LRRC3B: variants seen among roughly 807,000 people sequenced by gnomAD.
LRRC3B encodes leucine rich repeat containing 3B, also known as leucine-rich repeat-containing protein 3B.
Under a neutral mutation model 12.8 loss-of-function variants are expected in LRRC3B, and 2 were observed. The observed-to-expected ratio is 0.16, with a 90% CI of 0.06 to 0.49. The LOEUF is 0.49. LRRC3B is among the 20% of genes least tolerant of loss of function. The probability of loss-of-function intolerance (pLI) is 0.96; values close to 1 mark genes in which losing one functional copy is unlikely to be tolerated. For synonymous variants in LRRC3B, 132 were observed against 122.0 expected, an observed-to-expected ratio of 1.08 and a Z score of -0.54; for missense variants, 189 against 319.4, an observed-to-expected ratio of 0.59 and a Z score of 3.11.
intron 1 of LRRC3B, among the ~76,000 whole-genome samples, chr3:26,665,702 G>A (rs1192931026): frequency 6.6e-6 from 1 of 152,226 alleles, no homozygotes; most frequent in African/African-American, 2.4e-5. Context: ...TTGAAAACCA[G>A]TGAGAAACCT....
intron 1 of LRRC3B, among the ~76,000 whole-genome samples, chr3:26,672,977 G>A (rs1489520815): frequency 6.6e-6 from 1 of 152,184 alleles, no homozygotes; most frequent in South Asian, 2.1e-4. Flanking sequence ...GGTTGGCGAA[G>A]TAGGTTTATT....
At chr3:26,631,121 C>T (rs1041670705) in intron 1 of LRRC3B, among the ~76,000 whole-genome samples, 1 of 152,128 alleles carries the variant, frequency 6.6e-6, no homozygotes, top group Non-Finnish European at 1.5e-5. Context: ...TTATCAGGGC[C>T]ACAACCAAGA....
At chr3:26,710,530 T>G in exon 2 of LRRC3B, 1 of 1,381,498 alleles carries the variant, frequency 7.2e-7, no homozygotes, top group East Asian at 2.4e-5. Flanking sequence ...ACTTCTCCCA[T>G]CCATTGTAAA....
At chr3:26,683,938 T>C (rs77690838) in intron 1 of LRRC3B, among the ~76,000 whole-genome samples, 5,011 of 152,316 alleles carry the variant, frequency 0.033, 123 homozygotes, top group South Asian at 0.049. Flanking sequence ...ATAAGTCATA[T>C]TGATGTGTGA....
In LRRC3B at chr3:26,658,122, G is replaced by C. The variant is rs183991426; in HGVS notation, c.-161+34885G>C. The stretch of plus-strand genomic sequence containing the variant: ...GATGGAGTCTCGCTCTGTTGCCCAG[G>C]CTGGAGTTTCAGTGGCACCATCTTG... On this transcript the variant is annotated intron_variant, in intron 1 of 1. Coordinates refer to ENST00000396641, the Ensembl canonical transcript of LRRC3B. Among the ~76,000 whole-genome samples, 16 of 152,254 alleles carry C rather than the reference G, an allele frequency of 1.1e-4. No homozygotes were observed. In the East Asian group the frequency reaches 3.1e-3, roughly 29 times the overall value.
intron 1 of LRRC3B, among the ~76,000 whole-genome samples, chr3:26,649,609 CTT>C (rs1699222937): frequency 1.3e-5 from 2 of 152,160 alleles, no homozygotes; most frequent in African/African-American, 4.8e-5. Flanking sequence ...GACCTTAACA[CTT>C]TGTGCCTGTG....
intron 1 of LRRC3B, among the ~76,000 whole-genome samples, chr3:26,708,521 T>G (rs923582683): frequency 2.0e-5 from 3 of 150,778 alleles, no homozygotes; most frequent in Non-Finnish European, 3.0e-5. Context: ...AGTAACCTCA[T>G]CTCTCTGGGA....
At chr3:26,632,034 T>C (rs1380613462) in intron 1 of LRRC3B, among the ~76,000 whole-genome samples, 1 of 152,246 alleles carries the variant, frequency 6.6e-6, no homozygotes, top group Non-Finnish European at 1.5e-5. Context: ...CAATGATAGA[T>C]GGACACTCTG....
chr3:26,686,467 T>C lies in LRRC3B; in HGVS notation c.-160-23046T>C, dbSNP rs1221017391. ...TATCTAATTTGAAGCCCAATCTTTT[T>C]ATCCAATTTCCATTTGGATCATTCA... On this transcript the variant is annotated intron_variant, in intron 1 of 1. Coordinates refer to ENST00000396641, the Ensembl canonical transcript of LRRC3B. Among the ~76,000 whole-genome samples, 8 of 152,250 alleles carry C rather than the reference T, an allele frequency of 5.3e-5. No individual in the cohort carries two copies. The South Asian group carries it at 6.2e-4, about 12-fold the overall frequency.
At chr3:26,683,495 G>A (rs1209065995) in intron 1 of LRRC3B, among the ~76,000 whole-genome samples, 1 of 152,168 alleles carries the variant, frequency 6.6e-6, no homozygotes, top group East Asian at 1.9e-4. Flanking sequence ...CTATGAGTTG[G>A]ATCCCCAGGA....
intron 1 of LRRC3B, among the ~76,000 whole-genome samples, chr3:26,670,072 A>G (rs1408747887): frequency 6.6e-6 from 1 of 152,222 alleles, no homozygotes; most frequent in African/African-American, 2.4e-5. Flanking sequence ...TTATCAGTTT[A>G]GAGCTCCATG....
chr3:26,686,681 G>A (rs765450620), intron 1 of LRRC3B, among the ~76,000 whole-genome samples: 13 of 152,202 alleles, frequency 8.5e-5, no homozygotes, highest in Non-Finnish European at 1.6e-4. Flanking sequence ...TGCATGTTGA[G>A]ATTCTAGGGA....
chr3:26,661,419 C>G (rs1246241444), intron 1 of LRRC3B, among the ~76,000 whole-genome samples: 2 of 152,140 alleles, frequency 1.3e-5, no homozygotes, highest in African/African-American at 2.4e-5. Flanking sequence ...TCCTCACATC[C>G]AAACCTTCTT....
At chr3:26,686,099 A>AGAT (rs1291667941) in intron 1 of LRRC3B, among the ~76,000 whole-genome samples, 11 of 150,510 alleles carry the variant, frequency 7.3e-5, no homozygotes, top group Admixed American at 7.3e-4. Flanking sequence ...TTTTTTTTCG[A>AGAT]GATGGAGTCT....
chr3:26,673,893 G>A (rs1699804115), intron 1 of LRRC3B, among the ~76,000 whole-genome samples: 1 of 152,180 alleles, frequency 6.6e-6, no homozygotes, highest in Non-Finnish European at 1.5e-5. Context: ...TTGGTCCCTG[G>A]TTTGTGGACC....
chr3:26,706,807 G>T (rs563015975), intron 1 of LRRC3B, among the ~76,000 whole-genome samples: 71 of 152,244 alleles, frequency 4.7e-4, no homozygotes, highest in African/African-American at 1.6e-3. Flanking sequence ...CTTTTCCAAA[G>T]TCCACTATGT....
intron 1 of LRRC3B, among the ~76,000 whole-genome samples, chr3:26,645,958 C>T (rs554707449): frequency 1.3e-5 from 2 of 152,316 alleles, no homozygotes; most frequent in South Asian, 4.1e-4. Context: ...GACCATTCTG[C>T]TGGACTACCC....
chr3:26,698,410 G>A (rs1700372562), intron 1 of LRRC3B, among the ~76,000 whole-genome samples: 1 of 152,064 alleles, frequency 6.6e-6, no homozygotes, highest in Non-Finnish European at 1.5e-5. Context: ...ATGGAGTCCT[G>A]GAGTTCATGA....
intron 1 of LRRC3B, among the ~76,000 whole-genome samples, chr3:26,680,146 A>T (rs1699942162): frequency 6.6e-6 from 1 of 152,208 alleles, no homozygotes; most frequent in Non-Finnish European, 1.5e-5. Context: ...GGTGATGCAG[A>T]TGCTGCTGGT....
Sources: gnomAD v4.1 joint callset for allele counts (sites outside exome capture counted in the v4.1 genomes callset) on GRCh38, gnomAD v4.1.1 for gene constraint, MANE v1.5 for transcripts, NCBI Gene and HGNC (gene_info 2026-07-23, HGNC 2026-07-21) for gene names.